DENND5B: variants seen among roughly 807,000 people sequenced by gnomAD.
DENND5B encodes DENN domain containing 5B.
A neutral mutation model predicts 140.6 loss-of-function variants in DENND5B; 34 were observed. The observed-to-expected ratio is 0.24, with a 90% confidence interval of 0.18 to 0.32. The LOEUF (loss-of-function observed/expected upper bound fraction) is 0.32. Ranked by LOEUF, DENND5B falls within the 10% of genes least tolerant of loss-of-function variation. The pLI is 1.00. For synonymous variants in DENND5B, 551 were observed against 562.1 expected, an observed-to-expected ratio of 0.98 and a Z score of 0.28; for missense variants, 1,142 against 1,560.2, an observed-to-expected ratio of 0.73 and a Z score of 4.52.
Position 31,472,964 on chromosome 12 carries a change from G to C in DENND5B, c.904+6625C>G, listed in dbSNP as rs143240251. Among the ~76,000 whole-genome samples the C allele has an allele frequency of 6.4e-3, 972 of 151,882 alleles. 10 individuals carry two copies. The highest frequency in any genetic ancestry group is 0.022 in the African/African-American group (924 of 41,468). ...AAGTCTTTTTAAAAAAAAAAAGATA[G>C]GGTCTCACTGTGTCACACAGGCTGG... On this transcript the variant is annotated intron_variant, in intron 3 of 20. Transcript: ENST00000389082.
At chr12:31,480,589 G>A (rs1010895928) in intron 2 of DENND5B, among the ~76,000 whole-genome samples, 5 of 152,174 alleles carry the variant, frequency 3.3e-5, no homozygotes, top group African/African-American at 1.2e-4. Context: ...ACTTCTGTGA[G>A]CCTCAGTTCC....
chr12:31,519,255 C>T (rs1053313883), intron 1 of DENND5B, among the ~76,000 whole-genome samples: 1 of 152,196 alleles, frequency 6.6e-6, no homozygotes, highest in African/African-American at 2.4e-5. Context: ...TCCTTTGCTA[C>T]TCTCTGAACT....
chr12:31,454,632 A>G (rs1944685751), intron 4 of DENND5B, among the ~76,000 whole-genome samples: 1 of 151,280 alleles, frequency 6.6e-6, no homozygotes, highest in South Asian at 2.1e-4. Context: ...CTTAGTAGAG[A>G]TGGGGTTTCA....
At chr12:31,542,026 G>A (rs775687939) in intron 1 of DENND5B, among the ~76,000 whole-genome samples, 2 of 152,166 alleles carry the variant, frequency 1.3e-5, no homozygotes, top group Admixed American at 6.6e-5. Flanking sequence ...ATTGGCTCAC[G>A]CCTGTAATCC....
At chr12:31,492,070 T>C (rs1004876435) in intron 2 of DENND5B, among the ~76,000 whole-genome samples, 1 of 152,188 alleles carries the variant, frequency 6.6e-6, no homozygotes, top group Non-Finnish European at 1.5e-5. Context: ...ACTACTTTAA[T>C]GGGATGCTTT....
Position 31,479,643 on chromosome 12 carries a change from C to T in DENND5B, c.850G>A (p.Val284Met). The change falls in exon 3 of 21, where the codon GTG becomes ATG. Residue 284 changes from valine to methionine, a missense_variant. Val to Met is a conservative substitution (Grantham distance 21). Around this residue, in one of 5 missense-constraint regions of DENND5B, gnomAD observed 708 missense variants for 905.5 expected, o/e 0.78. Coordinates refer to ENST00000389082, the MANE Select transcript of DENND5B (RefSeq NM_144973.4). ...AAAAGAACACAGGTAAACACCTGCA[C>T]CAGGTTCTCTAATCCCAGGAGCTCA... is the stretch of plus-strand genomic sequence containing the variant. ...AFELLGLENL[V>M]QVFTCVLLEM... is the part of the protein sequence containing the mutation. 4 of 1,545,836 alleles carry T rather than the reference C, an allele frequency of 2.6e-6. No homozygotes were observed. The highest frequency in any genetic ancestry group is 3.5e-6 in the Non-Finnish European group (4 of 1,148,472).
At chr12:31,472,092 T>C (rs1467349425) in intron 3 of DENND5B, among the ~76,000 whole-genome samples, 2 of 152,174 alleles carry the variant, frequency 1.3e-5, no homozygotes, top group South Asian at 2.1e-4. Context: ...GCTCCTTTTA[T>C]GTGGGCACTC....
intron 1 of DENND5B, among the ~76,000 whole-genome samples, chr12:31,502,329 AC>A (rs1947041406): frequency 1.3e-5 from 2 of 151,850 alleles, no homozygotes; most frequent in Non-Finnish European, 2.9e-5. Flanking sequence ...AAAAACAAAA[AC>A]AAAAAAAACA....
At chr12:31,550,081 T>G (rs1395478240) in intron 1 of DENND5B, among the ~76,000 whole-genome samples, 1 of 151,940 alleles carries the variant, frequency 6.6e-6, no homozygotes, top group Non-Finnish European at 1.5e-5. Flanking sequence ...ATTATTATTA[T>G]ACTTTAAGTT....
chr12:31,467,909 G>C (rs1011265506), intron 3 of DENND5B, among the ~76,000 whole-genome samples: 3 of 150,456 alleles, frequency 2.0e-5, no homozygotes, highest in Non-Finnish European at 4.4e-5. Context: ...ATCAAAAACA[G>C]AGAGAGAGAG....
chr12:31,400,792 C>T (rs1941746627), intron 15 of DENND5B, among the ~76,000 whole-genome samples: 1 of 151,062 alleles, frequency 6.6e-6, no homozygotes, highest in South Asian at 2.1e-4. Flanking sequence ...CTAGCAAATA[C>T]TAGGTCTTAT....
intron 3 of DENND5B, among the ~76,000 whole-genome samples, chr12:31,471,933 A>G (rs1265997347): frequency 6.6e-6 from 1 of 152,144 alleles, no homozygotes; most frequent in Non-Finnish European, 1.5e-5. Context: ...GAGACTGCCC[A>G]ATTCCCCCTA....
intron 8 of DENND5B, chr12:31,432,247 C>T: frequency 2.7e-6 from 1 of 373,844 alleles, no homozygotes; most frequent in Non-Finnish European, 3.7e-6. Context: ...ATGATAAAAT[C>T]ACAGCAAAAG....
At chr12:31,436,339 G>C (rs1003751131) in intron 7 of DENND5B, among the ~76,000 whole-genome samples, 5 of 151,986 alleles carry the variant, frequency 3.3e-5, no homozygotes, top group Non-Finnish European at 5.9e-5. Flanking sequence ...GACCTCAAGT[G>C]ATCTGCCCGC....
At chr12:31,469,680 T>C (rs1321211045) in intron 3 of DENND5B, among the ~76,000 whole-genome samples, 3 of 152,152 alleles carry the variant, frequency 2.0e-5, no homozygotes, top group Non-Finnish European at 4.4e-5. Context: ...TTGGCCCCAA[T>C]GTTGGAGGTG....
chr12:31,401,133 G>T (rs1415310872), intron 15 of DENND5B, among the ~76,000 whole-genome samples: 2 of 152,132 alleles, frequency 1.3e-5, no homozygotes, highest in African/African-American at 4.8e-5. Flanking sequence ...GTGAGCCACT[G>T]GCCCGGCCAG....
chr12:31,425,079 C>A (rs1300847220), intron 9 of DENND5B, among the ~76,000 whole-genome samples: 2 of 152,078 alleles, frequency 1.3e-5, no homozygotes, highest in East Asian at 3.9e-4. Flanking sequence ...TTGGGAGGCC[C>A]AGGCAAGTGG....
intron 8 of DENND5B, among the ~76,000 whole-genome samples, chr12:31,431,276 T>C (rs1158247375): frequency 6.6e-6 from 1 of 152,178 alleles, no homozygotes; most frequent in Non-Finnish European, 1.5e-5. Flanking sequence ...CCTTTACAAG[T>C]TGGTGTTCAA....
chr12:31,574,267 A>AATAATAAT (rs1555175967), intron 1 of DENND5B, among the ~76,000 whole-genome samples: 1 of 89,702 alleles, frequency 1.1e-5, no homozygotes. Flanking sequence ...TGTCTCTAAA[A>AATAATAAT]AATAATAATA....
Sources: gnomAD v4.1 joint callset for allele counts (sites outside exome capture counted in the v4.1 genomes callset) on GRCh38, gnomAD v4.1.1 for gene constraint, gnomAD v4.1.1 regional missense constraint, MANE v1.5 for transcripts, NCBI Gene and HGNC (gene_info 2026-07-23, HGNC 2026-07-21) for gene names.